ELAVL2: variants seen among roughly 807,000 people sequenced by gnomAD.
ELAVL2 encodes ELAV like RNA binding protein 2.
ELAVL2 carries 4 observed loss-of-function variants against 34.6 expected under a neutral mutation model. The observed-to-expected ratio is 0.12, with a 90% confidence interval of 0.06 to 0.26. ELAVL2 has a LOEUF of 0.26. Among genes scored for constraint, ELAVL2 ranks in the 10% least tolerant of loss-of-function variants. ELAVL2 has a pLI of 1.00. For synonymous variants in ELAVL2, 193 were observed against 154.8 expected (o/e 1.25, Z -1.83); for missense variants, 432 against 442.8 (o/e 0.98, Z 0.22).
chr9:23,764,478 G>T (rs1564353789), intron 1 of ELAVL2, among the ~76,000 whole-genome samples: 1 of 152,058 alleles, frequency 6.6e-6, no homozygotes, highest in African/African-American at 2.4e-5. Context: ...AGAATAAAAT[G>T]ATACTAATGT....
At chr9:23,773,768 T>C (rs1588349807) in intron 1 of ELAVL2, among the ~76,000 whole-genome samples, 1 of 152,176 alleles carries the variant, frequency 6.6e-6, no homozygotes, top group East Asian at 1.9e-4. Flanking sequence ...GGTAAAGGGG[T>C]CTGTTCTCTT....
intron 2 of ELAVL2, among the ~76,000 whole-genome samples, chr9:23,731,604 C>T (rs957201819): frequency 3.3e-5 from 5 of 152,134 alleles, no homozygotes; most frequent in African/African-American, 9.7e-5. Context: ...ACAATAATGT[C>T]GGAGTCTAAA....
At position 23,822,574 on chromosome 9, in the gene ELAVL2, T is replaced by C. The variant is rs1007937704; in HGVS notation, c.-16+3232A>G. On this transcript the variant is annotated intron_variant, in intron 1 of 6. Transcript: ENST00000397312. ...CCTTTTCCCCAGAAAAACCTGTGCC[T>C]GTCCTCAGACCCGGCCCCACGGCTG... is the stretch of plus-strand genomic sequence containing the variant. 2.0e-5 allele frequency among the ~76,000 whole-genome samples: 3 copies of C among 152,326 alleles called. No individual in the cohort carries two copies. The South Asian group carries it at 6.2e-4, about 32-fold the overall frequency.
intron 1 of ELAVL2, among the ~76,000 whole-genome samples, chr9:23,811,452 A>G (rs2062987114): frequency 6.6e-6 from 1 of 152,180 alleles, no homozygotes. Context: ...CAGACAACAC[A>G]TGCTCCTGGA....
chr9:23,832,843 A>G, the ELAVL2 span, among the ~76,000 whole-genome samples: 3 of 152,186 alleles, frequency 2.0e-5, no homozygotes, highest in African/African-American at 7.2e-5. Context: ...TAAAAAATGA[A>G]CTTGTTGGAA....
At chr9:23,697,598 T>G (rs1412508850) in intron 5 of ELAVL2, among the ~76,000 whole-genome samples, 1 of 152,206 alleles carries the variant, frequency 6.6e-6, no homozygotes, top group Non-Finnish European at 1.5e-5. Flanking sequence ...TAAACATTTT[T>G]CTATCAACAG....
At chr9:23,704,028 G>T (rs1038867833) in intron 4 of ELAVL2, among the ~76,000 whole-genome samples, 3 of 152,046 alleles carry the variant, frequency 2.0e-5, no homozygotes, top group African/African-American at 7.2e-5. Flanking sequence ...CGCCTCTGGG[G>T]TTCAAGTGAT....
chr9:23,836,124 A>G, the ELAVL2 span, among the ~76,000 whole-genome samples: 1 of 152,190 alleles, frequency 6.6e-6, no homozygotes, highest in East Asian at 1.9e-4. Context: ...CTGATGGAGC[A>G]TTATGTATGT....
chr9:23,829,867 C>T (rs10966090), upstream of ELAVL2: 44,940 of 151,946 alleles, frequency 0.3, 7,402 homozygotes, highest in Middle Eastern at 0.42. Flanking sequence ...ACGGAAACTG[C>T]GTGTCTTGGG....
At chr9:23,826,775 T>G (rs1472657697), upstream of ELAVL2, among the ~76,000 whole-genome samples, 1 of 152,210 alleles carries the variant, frequency 6.6e-6, no homozygotes, top group African/African-American at 2.4e-5. Flanking sequence ...GAGCTCCCTC[T>G]CTTTGATCTG....
chr9:23,741,051 A>C (rs146120257), intron 2 of ELAVL2, among the ~76,000 whole-genome samples: 1 of 152,338 alleles, frequency 6.6e-6, no homozygotes, highest in East Asian at 1.9e-4. Context: ...CCTAATGAAC[A>C]TGAAATACAT....
chr9:23,736,675 T>G (rs1450141204), intron 2 of ELAVL2, among the ~76,000 whole-genome samples: 1 of 152,202 alleles, frequency 6.6e-6, no homozygotes, highest in Non-Finnish European at 1.5e-5. Context: ...GCCCCTTGTC[T>G]GCGTTAGCAT....
chr9:23,725,101 G>A (rs1382754178), intron 3 of ELAVL2, among the ~76,000 whole-genome samples: 2 of 152,092 alleles, frequency 1.3e-5, no homozygotes, highest in Non-Finnish European at 2.9e-5. Context: ...ACTAGGGTGG[G>A]TTGAAATGCT....
At chr9:23,840,031 T>C in the ELAVL2 span, among the ~76,000 whole-genome samples, 6 of 152,196 alleles carry the variant, frequency 3.9e-5, no homozygotes, top group Admixed American at 1.3e-4. Flanking sequence ...AGTTCAGGGT[T>C]GTCTTGGTTA....
intron 3 of ELAVL2, 67 bp downstream of exon 3, chr9:23,730,955 T>G (rs924564262): frequency 7.0e-7 from 1 of 1,433,744 alleles, no homozygotes; most frequent in Admixed American, 2.0e-5. Context: ...AGGAAAGAAC[T>G]ACAAATAAAT....
chr9:23,757,035 A>C (rs1451585947), intron 2 of ELAVL2, among the ~76,000 whole-genome samples: 1 of 152,136 alleles, frequency 6.6e-6, no homozygotes, highest in Non-Finnish European at 1.5e-5. Flanking sequence ...AAGCTCTCTG[A>C]CAACAGATTC....
At position 23,825,925 on chromosome 9, in the gene ELAVL2, G is replaced by T. The variant is rs2065268041; in HGVS notation, c.-135C>A. The T allele has an allele frequency of 6.6e-6, 1 of 152,076 alleles. No individual in the cohort carries two copies. The highest frequency in any genetic ancestry group is 1.5e-5 in the Non-Finnish European group (1 of 68,030). The allele number at this position is 152,076 out of a possible 1,614,324, so 9.4% of individuals were successfully genotyped here. ...TAAGACAGCACGAAACCTAAACTGTGCTCGGCTTAAAAGAAGCAAATAAAA... is the reference window on the plus strand; with the variant it reads ...TAAGACAGCACGAAACCTAAACTGTTCTCGGCTTAAAAGAAGCAAATAAAA... On this transcript the variant is annotated 5_prime_UTR_variant, in exon 1 of 7. Transcript: ENST00000397312.
At chr9:23,841,372 T>C in the ELAVL2 span, among the ~76,000 whole-genome samples, 1 of 152,186 alleles carries the variant, frequency 6.6e-6, no homozygotes, top group African/African-American at 2.4e-5. Flanking sequence ...CTGGCATATC[T>C]CTATACAGGA....
At chr9:23,761,485 T>G (rs1206790681) in intron 2 of ELAVL2, among the ~76,000 whole-genome samples, 1 of 152,108 alleles carries the variant, frequency 6.6e-6, no homozygotes, top group East Asian at 1.9e-4. Context: ...TGTCCTTTCC[T>G]TGTTAAGGAA....
Sources: allele counts gnomAD v4.1 joint callset (sites outside exome capture counted in the v4.1 genomes callset), GRCh38; gene constraint gnomAD v4.1.1; transcripts MANE v1.5; gene names NCBI Gene and HGNC (gene_info 2026-07-23, HGNC 2026-07-21).